RBFOX1: variants seen among roughly 807,000 people sequenced by gnomAD.
The protein encoded by RBFOX1 is RNA binding protein fox-1 homolog 1.
In RBFOX1, 8 loss-of-function variants were observed where a neutral mutation model predicts 57.7. That is an observed-to-expected ratio of 0.14 (90% CI 0.08 to 0.25). The LOEUF is 0.25. Among genes scored for constraint, RBFOX1 ranks in the 10% least tolerant of loss-of-function variants. RBFOX1 has a pLI of 1.00. For missense variants in RBFOX1, 611 were observed against 548.5 expected, an observed-to-expected ratio of 1.11 and a Z score of -1.14; for synonymous variants, 326 against 222.4, an observed-to-expected ratio of 1.47 and a Z score of -4.15.
chr16:6,687,042 G>C (rs913564143), intron 3 of RBFOX1, among the ~76,000 whole-genome samples: 1 of 152,152 alleles, frequency 6.6e-6, no homozygotes, highest in South Asian at 2.1e-4. Context: ...AGAAATCTTT[G>C]CAGTGTTAAA....
intron 4 of RBFOX1, among the ~76,000 whole-genome samples, chr16:7,203,210 C>T (rs974868403): frequency 6.6e-6 from 1 of 152,126 alleles, no homozygotes; most frequent in Non-Finnish European, 1.5e-5. Flanking sequence ...ATTATTCAAC[C>T]TTAGAAGGGA....
chr16:6,397,026 TGATTTGATTATTAACA>T, intron 2 of RBFOX1, among the ~76,000 whole-genome samples: 1 of 151,962 alleles, frequency 6.6e-6, no homozygotes, highest in East Asian at 1.9e-4. Flanking sequence ...AAAAAGCAAA[TGATTTGATTATTAACA>T]GAAGACTAGT....
At chr16:6,492,973 G>T (rs2095667783) in intron 2 of RBFOX1, among the ~76,000 whole-genome samples, 1 of 152,240 alleles carries the variant, frequency 6.6e-6, no homozygotes, top group South Asian at 2.1e-4. Flanking sequence ...ATGACTAAGA[G>T]AGGGGCAGGG....
At chr16:7,241,079 G>A (rs1219936411) in intron 4 of RBFOX1, among the ~76,000 whole-genome samples, 2 of 152,164 alleles carry the variant, frequency 1.3e-5, no homozygotes, top group Non-Finnish European at 2.9e-5. Flanking sequence ...ATTTAGCGCA[G>A]TTTTTAGTAT....
intron 3 of RBFOX1, among the ~76,000 whole-genome samples, chr16:7,020,641 A>G (rs375318324): frequency 1.3e-5 from 2 of 152,210 alleles, no homozygotes; most frequent in East Asian, 3.9e-4. Context: ...AGAGTGATGA[A>G]CTTGTATTAA....
rs565466564 is a variant in RBFOX1 at position 5,646,673 on chromosome 16, C to T, written c.318+47712C>T. 2.6e-5 allele frequency among the ~76,000 whole-genome samples: 4 copies of T among 152,124 alleles called. No homozygotes were observed. In the East Asian group the frequency reaches 7.8e-4, roughly 30 times the overall value. On this transcript the variant is annotated intron_variant, in intron 3 of 19. Transcript: ENST00000641259. Reference sequence around the variant, plus strand: ...TTTTTGAGATGGAGTCTCGCTTTGTCACCCAGGCTGGAGTGCTTTGGCGTG... The same window carrying T: ...TTTTTGAGATGGAGTCTCGCTTTGTTACCCAGGCTGGAGTGCTTTGGCGTG...
At chr16:7,649,137 C>T (rs949639585) in intron 11 of RBFOX1, among the ~76,000 whole-genome samples, 1 of 152,072 alleles carries the variant, frequency 6.6e-6, no homozygotes, top group South Asian at 2.1e-4. Flanking sequence ...AGTACAGCTA[C>T]TCCATAGACA....
At chr16:6,159,704 A>T (rs1444057305) in intron 1 of RBFOX1, among the ~76,000 whole-genome samples, 1 of 152,202 alleles carries the variant, frequency 6.6e-6, no homozygotes, top group East Asian at 1.9e-4. Flanking sequence ...ATGTGCTCTT[A>T]ACCTCATTTT....
chr16:7,121,723 A>G (rs1314546868), intron 4 of RBFOX1, among the ~76,000 whole-genome samples: 1 of 152,004 alleles, frequency 6.6e-6, no homozygotes, highest in Non-Finnish European at 1.5e-5. Flanking sequence ...AGGAAAAACA[A>G]AAACTAGAAT....
At chr16:6,336,154 CATATATATATATATATAT>C (rs768962177) in intron 2 of RBFOX1, among the ~76,000 whole-genome samples, 1 of 43,218 alleles carries the variant, frequency 2.3e-5, no homozygotes, top group Non-Finnish European at 4.1e-5. Flanking sequence ...TATACATATA[CATATATATATATATATAT>C]ATATATATAT....
rs556495496 is a variant in RBFOX1, at chr16:6,662,868, A to T, written c.-16+8218A>T. ...CTTCAACGAGCTATTTCTTTTCTTT[A>T]AAACAAATACTCCCATAGACTCGTA... On this transcript the variant is annotated intron_variant, in intron 3 of 15. Transcript: ENST00000550418. Among the ~76,000 whole-genome samples, 101 of 152,294 alleles carry T rather than the reference A, an allele frequency of 6.6e-4. 1 individual carries two copies. The highest frequency in any genetic ancestry group is 1.3e-3 in the Non-Finnish European group (86 of 68,030).
At chr16:5,968,284 C>T (rs1003676356) in intron 4 of RBFOX1, among the ~76,000 whole-genome samples, 13 of 151,848 alleles carry the variant, frequency 8.6e-5, no homozygotes, top group African/African-American at 2.4e-4. Context: ...CATGTTGGCC[C>T]GGCTGGTCTC....
chr16:6,773,562 GTA>G (rs2078797830), intron 3 of RBFOX1, among the ~76,000 whole-genome samples: 1 of 141,956 alleles, frequency 7.0e-6, no homozygotes, highest in African/African-American at 2.7e-5. Context: ...ATTTGTGTGT[GTA>G]TGTGTGGGTG....
intron 4 of RBFOX1, among the ~76,000 whole-genome samples, chr16:7,213,140 AG>A (rs1309807769): frequency 6.6e-6 from 1 of 152,156 alleles, no homozygotes; most frequent in African/African-American, 2.4e-5. Context: ...CAGACCCTGA[AG>A]CCCGAACTCC....
intron 2 of RBFOX1, among the ~76,000 whole-genome samples, chr16:6,486,082 CTTTTTTTT>C (rs71145234): frequency 0.027 from 1,674 of 63,046 alleles, 12 homozygotes; most frequent in African/African-American, 0.062. Flanking sequence ...CAGTAAAAGG[CTTTTTTTT>C]TTTTTTTTTT....
chr16:6,304,269 T>C (rs1215277442), intron 1 of RBFOX1, among the ~76,000 whole-genome samples: 1 of 151,672 alleles, frequency 6.6e-6, no homozygotes, highest in Non-Finnish European at 1.5e-5. Flanking sequence ...GCCTGGGAAA[T>C]ACAGTGAGAG....
intron 3 of RBFOX1, among the ~76,000 whole-genome samples, chr16:6,758,840 T>C (rs1202631866): frequency 2.6e-5 from 4 of 152,154 alleles, no homozygotes; most frequent in African/African-American, 9.7e-5. Flanking sequence ...CTCTGGGTAA[T>C]GTGTTTACCC....
At chr16:5,597,849 G>C (rs965399078) in intron 2 of RBFOX1, among the ~76,000 whole-genome samples, 3 of 152,190 alleles carry the variant, frequency 2.0e-5, no homozygotes, top group Admixed American at 1.3e-4. Context: ...GGCATGCTCA[G>C]TTCAAGCTGA....
At chr16:7,026,233 C>T (rs2040887247) in intron 3 of RBFOX1, among the ~76,000 whole-genome samples, 1 of 152,184 alleles carries the variant, frequency 6.6e-6, no homozygotes, top group South Asian at 2.1e-4. Context: ...AAGAGGCCAA[C>T]ACCCATGAAG....
Sources: gnomAD v4.1 joint callset for allele counts (sites outside exome capture counted in the v4.1 genomes callset) on GRCh38, gnomAD v4.1.1 for gene constraint, MANE v1.5 for transcripts, NCBI Gene and HGNC (gene_info 2026-07-23, HGNC 2026-07-21) for gene names.